UGT1A10: variants seen among roughly 807,000 people sequenced by gnomAD.
The protein encoded by UGT1A10 is UDP glucuronosyltransferase family 1 member A10, also known as UDP-glucuronosyltransferase 1A10.
UGT1A10 carries 49 observed loss-of-function variants against 45.8 expected under a neutral mutation model. The ratio of observed to expected loss-of-function variants is 1.07; its 90% CI spans 0.85 to 1.36. UGT1A10 has a LOEUF of 1.36. Ranked by LOEUF, UGT1A10 falls within the 40% of genes most tolerant of loss-of-function variation. The pLI is 0.00. For missense variants in UGT1A10, 745 were observed against 668.6 expected (o/e 1.11, Z -1.26); for synonymous variants, 284 against 249.7 (o/e 1.14, Z -1.29).
chr2:233,712,899 G>T, intron 1 of UGT1A10: 1 of 1,608,322 alleles, frequency 6.2e-7, no homozygotes, highest in Non-Finnish European at 8.5e-7. Flanking sequence ...TGATTTGCTA[G>T]GTGTCTCAGT....
chr2:233,700,593 C>T (rs888574084), intron 1 of UGT1A10, among the ~76,000 whole-genome samples: 1 of 152,066 alleles, frequency 6.6e-6, no homozygotes, highest in Non-Finnish European at 1.5e-5. Flanking sequence ...TATTATGATA[C>T]AATTCACTCT....
At position 233,765,498 on chromosome 2, in the gene UGT1A10, A is replaced by T. The variant is rs145381988; in HGVS notation, c.856-1536A>T. Among the ~76,000 whole-genome samples the T allele has an allele frequency of 4.4e-3, 672 of 152,238 alleles. 2 individuals carry two copies. Among genetic ancestry groups the T allele is most frequent in the African/African-American group, 0.015 (643 of 41,546 alleles). On this transcript the variant is annotated intron_variant, in intron 1 of 4. Coordinates refer to ENST00000344644, the MANE Select transcript of UGT1A10 (RefSeq NM_019075.4). ...GGAAGCCATCATCCTCCACAAACTAACACAGGAACAGAAAATCAAACACCG... is the reference window on the plus strand; with the variant it reads ...GGAAGCCATCATCCTCCACAAACTATCACAGGAACAGAAAATCAAACACCG...
intron 1 of UGT1A10, among the ~76,000 whole-genome samples, chr2:233,763,988 T>A (rs1006624097): frequency 2.0e-5 from 3 of 152,194 alleles, no homozygotes; most frequent in African/African-American, 7.2e-5. Flanking sequence ...TGGGAATGCG[T>A]GATGGTGAAG....
At chr2:233,714,970 A>G (rs1219636943) in intron 1 of UGT1A10, among the ~76,000 whole-genome samples, 1 of 152,130 alleles carries the variant, frequency 6.6e-6, no homozygotes, top group Non-Finnish European at 1.5e-5. Context: ...TCCACCTCCC[A>G]GGTTCAACTG....
chr2:233,729,225 G>T, intron 1 of UGT1A10: 1 of 1,614,158 alleles, frequency 6.2e-7, no homozygotes, highest in South Asian at 1.1e-5. Context: ...AGGTGTTGGT[G>T]GTGCCCATTG....
chr2:233,763,806 G>A (rs1352583064), intron 1 of UGT1A10, among the ~76,000 whole-genome samples: 14 of 152,218 alleles, frequency 9.2e-5, no homozygotes, highest in Non-Finnish European at 1.8e-4. Context: ...TGAAACTCAA[G>A]AATTCCAAGA....
At chr2:233,772,010 G>A (rs538941446) in intron 4 of UGT1A10, among the ~76,000 whole-genome samples, 1 of 152,306 alleles carries the variant, frequency 6.6e-6, no homozygotes, top group Admixed American at 6.5e-5. Flanking sequence ...CTACTCTGGA[G>A]GCTGAGGCAG....
intron 1 of UGT1A10, among the ~76,000 whole-genome samples, chr2:233,658,585 T>G (rs1358775856): frequency 6.6e-6 from 1 of 152,228 alleles, no homozygotes; most frequent in East Asian, 1.9e-4. Context: ...TCTGGTCGGA[T>G]GTTCTGTAGA....
chr2:233,735,011 C>T (rs554046277), intron 1 of UGT1A10, among the ~76,000 whole-genome samples: 7 of 152,192 alleles, frequency 4.6e-5, no homozygotes, highest in Non-Finnish European at 1.0e-4. Flanking sequence ...GTGGAGAGTT[C>T]TGTAGATGTC....
intron 1 of UGT1A10, among the ~76,000 whole-genome samples, chr2:233,710,303 A>G (rs2076125007): frequency 6.6e-6 from 1 of 152,210 alleles, no homozygotes; most frequent in Non-Finnish European, 1.5e-5. Context: ...GTTGGGTTGC[A>G]TGGTAGGTGT....
chr2:233,649,225 C>A (rs868307236), intron 1 of UGT1A10, among the ~76,000 whole-genome samples: 3 of 152,102 alleles, frequency 2.0e-5, no homozygotes, highest in African/African-American at 7.2e-5. Context: ...TATGTGTATA[C>A]GATTGGTTAA....
intron 1 of UGT1A10, among the ~76,000 whole-genome samples, chr2:233,766,156 G>C (rs1699057554): frequency 6.6e-6 from 1 of 152,196 alleles, no homozygotes; most frequent in Admixed American, 6.5e-5. Context: ...TGGGCTTGGA[G>C]AATGAGTGCA....
chr2:233,748,172 T>C, intron 1 of UGT1A10: 1 of 1,584,752 alleles, frequency 6.3e-7, no homozygotes, highest in East Asian at 2.2e-5. Flanking sequence ...TCTACTTATC[T>C]TTCTGGTGCT....
intron 1 of UGT1A10, among the ~76,000 whole-genome samples, chr2:233,714,127 G>A (rs1240971453): frequency 2.0e-5 from 3 of 152,154 alleles, no homozygotes; most frequent in African/African-American, 4.8e-5. Context: ...GAGACTGTTC[G>A]TTTGTAAAAG....
Position 233,772,346 on chromosome 2 carries a change from GT to G in UGT1A10, c.1383del (p.Phe461LeufsTer2), listed in dbSNP as rs773231664. The G allele has an allele frequency of 6.2e-7, 1 of 1,614,250 alleles. No individual in the cohort carries two copies. Among genetic ancestry groups the G allele is most frequent in the South Asian group, 1.1e-5 (1 of 91,090 alleles). ...PLDLAVFWVE[F>X]VMRHKGAPHL... ...TGGACCTGGCCGTGTTCTGGGTGGA[GT>G]TTGTGATGAGGCACAAGGGCGCGCC... On this transcript the variant is annotated frameshift_variant, in exon 5 of 5. Transcript: ENST00000344644. LOFTEE classifies it high-confidence loss of function.
At chr2:233,663,041 A>G (rs1259014413) in intron 1 of UGT1A10, among the ~76,000 whole-genome samples, 1 of 152,164 alleles carries the variant, frequency 6.6e-6, no homozygotes, top group East Asian at 1.9e-4. Flanking sequence ...TATCCAGTGT[A>G]TTCACATTGC....
Position 233,769,243 on chromosome 2 carries a change from CA to C in UGT1A10, c.1295+807del. Among the ~76,000 whole-genome samples the C allele has an allele frequency of 6.6e-6, 1 of 152,264 alleles. No homozygotes were observed. The highest frequency in any genetic ancestry group is 1.9e-4 in the East Asian group (1 of 5,180). ...GAATAAGAGCAAAGGAAAATTTGCT[CA>C]AATGTGGCCCTGAAAACGATTCAAA... On this transcript the variant is annotated intron_variant, in intron 4 of 4. Coordinates refer to ENST00000344644, the MANE Select transcript of UGT1A10 (RefSeq NM_019075.4). The surrounding 1 kb of genome is among the most constrained non-coding windows in gnomAD (Gnocchi z 4.4).
At chr2:233,751,042 C>T (rs1694623923) in intron 1 of UGT1A10, among the ~76,000 whole-genome samples, 1 of 151,808 alleles carries the variant, frequency 6.6e-6, no homozygotes, top group South Asian at 2.1e-4. Flanking sequence ...CACTGTGTGC[C>T]TGGAAAAGAC....
rs1333719360 is a variant in UGT1A10, at chr2:233,772,369, C to T, written c.1403C>T (p.Ala468Val). 23 of 1,614,110 alleles carry T rather than the reference C, an allele frequency of 1.4e-5. No homozygotes were observed. Among genetic ancestry groups the T allele is most frequent in the African/African-American group, 8.0e-5 (6 of 74,934 alleles). ...GAGTTTGTGATGAGGCACAAGGGCG[C>T]GCCACACCTGCGCCCCGCAGCCCAC... Reference protein sequence around the residue: ...WVEFVMRHKGAPHLRPAAHDL... With the variant: ...WVEFVMRHKGVPHLRPAAHDL... Residue 468 changes from alanine to valine, a missense_variant, in exon 5 of 5, where the codon GCG (alanine) becomes GTG (valine). By Grantham distance (64) the Ala-to-Val change is moderately conservative. Transcript: ENST00000344644.
Sources: gnomAD v4.1 joint callset for allele counts (sites outside exome capture counted in the v4.1 genomes callset) on GRCh38, gnomAD v4.1.1 for gene constraint, Gnocchi (gnomAD v3.1) non-coding constraint, MANE v1.5 for transcripts, NCBI Gene and HGNC (gene_info 2026-07-23, HGNC 2026-07-21) for gene names.